MAD1L1: variants seen among roughly 807,000 people sequenced by gnomAD.
MAD1L1 encodes mitotic spindle assembly checkpoint protein MAD1.
Under a neutral mutation model 96.9 loss-of-function variants are expected in MAD1L1, and 95 were observed. That is an observed-to-expected ratio of 0.98 (90% CI 0.83 to 1.16). The LOEUF is 1.16. MAD1L1 is among the 50% of genes most tolerant of loss of function. The probability of loss-of-function intolerance (pLI) is 0.00; values close to 1 mark genes in which losing one functional copy is unlikely to be tolerated. For missense variants in MAD1L1, 1,007 were observed against 954.4 expected (o/e 1.06, Z -0.73); for synonymous variants, 473 against 396.6 (o/e 1.19, Z -2.29).
At position 1,957,667 on chromosome 7, in the gene MAD1L1, T is replaced by G. The variant is rs746130402; in HGVS notation, c.1558A>C (p.Arg520=). 2 of 1,614,114 alleles carry G rather than the reference T, an allele frequency of 1.2e-6. No individual in the cohort carries two copies. Among genetic ancestry groups the G allele is most frequent in the Non-Finnish European group, 1.7e-6 (2 of 1,180,038 alleles). The change falls in exon 16 of 19, where the codon AGG becomes CGG. Residue 520 remains arginine, a synonymous_variant. Transcript: ENST00000265854. ...GERSRLEEEK[R]MLEAQLERRA... is the part of the protein sequence containing the mutation. ...CGCTCCAGCTGTGCCTCCAGCATCC[T>G]CTTTTCCTCCTCCAGCCGACTCCGC... is the stretch of plus-strand genomic sequence containing the variant.
chr7:1,817,077 C>G (rs1331879574), intron 18 of MAD1L1: 1 of 152,306 alleles, frequency 6.6e-6, no homozygotes, highest in Non-Finnish European at 1.5e-5. Flanking sequence ...CAGAGAAGAG[C>G]CACACACGGC....
At chr7:1,883,762 G>A (rs1204491063) in intron 18 of MAD1L1, among the ~76,000 whole-genome samples, 3 of 152,190 alleles carry the variant, frequency 2.0e-5, no homozygotes, top group Non-Finnish European at 4.4e-5. Context: ...GCCCCAGGCC[G>A]TATTAAAAGG....
At chr7:1,969,016 G>C (rs921928626) in intron 15 of MAD1L1, among the ~76,000 whole-genome samples, 2 of 152,224 alleles carry the variant, frequency 1.3e-5, no homozygotes, top group African/African-American at 4.8e-5. Context: ...AAGAGGGTAT[G>C]AGAACTCTCC....
At chr7:1,849,615 A>C (rs531862983) in intron 18 of MAD1L1, 2 of 152,326 alleles carry the variant, frequency 1.3e-5, no homozygotes, top group Admixed American at 1.3e-4. Flanking sequence ...GGCGTGGCCC[A>C]AGAACGGGAA....
At chr7:2,220,390 T>C (rs1373697855) in intron 5 of MAD1L1, among the ~76,000 whole-genome samples, 3 of 151,888 alleles carry the variant, frequency 2.0e-5, no homozygotes, top group Non-Finnish European at 4.4e-5. Context: ...ACCCTAACCC[T>C]CTGGAAAAGC....
At chr7:2,150,251 C>T (rs1180387979) in intron 10 of MAD1L1, among the ~76,000 whole-genome samples, 2 of 152,184 alleles carry the variant, frequency 1.3e-5, no homozygotes, top group African/African-American at 2.4e-5. Flanking sequence ...GCACACCCTC[C>T]CAGCAGCCTG....
At chr7:1,872,154 G>A (rs1785145438) in intron 18 of MAD1L1, among the ~76,000 whole-genome samples, 1 of 152,202 alleles carries the variant, frequency 6.6e-6, no homozygotes, top group South Asian at 2.1e-4. Flanking sequence ...TCCCGCGACA[G>A]AGAGGCTGAC....
At chr7:2,169,038 G>A (rs1166107398) in intron 10 of MAD1L1, among the ~76,000 whole-genome samples, 1 of 152,204 alleles carries the variant, frequency 6.6e-6, no homozygotes, top group Non-Finnish European at 1.5e-5. Context: ...TGTGTACCCG[G>A]TGCTTGTCCT....
At chr7:2,079,558 T>C in intron 11 of MAD1L1, 2 of 455,014 alleles carry the variant, frequency 4.4e-6, no homozygotes, top group Admixed American at 4.8e-5. Context: ...CCAAATTCAA[T>C]TTGCATTCCC....
At chr7:2,213,144 CA>C in intron 10 of MAD1L1, 67 bp downstream of exon 10, 1 of 1,535,930 alleles carries the variant, frequency 6.5e-7, no homozygotes. Context: ...GAGCCGGAAG[CA>C]GGCTCTGCTC....
chr7:2,200,759 G>A (rs887614180), intron 10 of MAD1L1, among the ~76,000 whole-genome samples: 5 of 152,278 alleles, frequency 3.3e-5, no homozygotes, highest in South Asian at 2.1e-4. Context: ...TCATGCACAC[G>A]GCCCCCCTGC....
chr7:1,912,534 G>C (rs1474253978), intron 17 of MAD1L1, among the ~76,000 whole-genome samples: 2 of 152,188 alleles, frequency 1.3e-5, no homozygotes, highest in Non-Finnish European at 2.9e-5. Context: ...TCCTGGCACA[G>C]GCAGGGCTGC....
chr7:2,012,581 G>A (rs1782351892), intron 13 of MAD1L1, among the ~76,000 whole-genome samples: 1 of 152,208 alleles, frequency 6.6e-6, no homozygotes. Context: ...AGAAAGGAAA[G>A]CCAGGAGCGG....
chr7:2,027,316 TACAGAAAACA>T (rs1445302761), intron 12 of MAD1L1, among the ~76,000 whole-genome samples: 7 of 152,220 alleles, frequency 4.6e-5, no homozygotes, highest in Middle Eastern at 3.4e-3. Flanking sequence ...ATAAAACGAT[TACAGAAAACA>T]ACAGAAGACA....
At chr7:2,167,457 G>T (rs1194888818) in intron 10 of MAD1L1, among the ~76,000 whole-genome samples, 1 of 152,156 alleles carries the variant, frequency 6.6e-6, no homozygotes, top group Non-Finnish European at 1.5e-5. Context: ...GCTGAGGCAG[G>T]AGAATGGCGT....
intron 15 of MAD1L1, among the ~76,000 whole-genome samples, chr7:1,972,875 T>C (rs970086868): frequency 1.3e-5 from 2 of 152,194 alleles, no homozygotes; most frequent in Admixed American, 1.3e-4. Context: ...TATTGCCCAG[T>C]GTACTTATTT....
intron 10 of MAD1L1, among the ~76,000 whole-genome samples, chr7:2,212,103 G>C (rs182899257): frequency 6.6e-6 from 1 of 152,232 alleles, no homozygotes; most frequent in African/African-American, 2.4e-5. Flanking sequence ...GTCACCTGCA[G>C]GGGCACCGCG....
Position 2,142,824 on chromosome 7 carries a change from G to A in MAD1L1, c.1073+6328C>T, listed in dbSNP as rs1320359105. The stretch of plus-strand genomic sequence containing the variant: ...GACTTGCTGGGAACACATGGCTGAG[G>A]CCATGGTCAGTTCAAGGGCAGGCCA... On this transcript the variant is annotated intron_variant, in intron 11 of 18. Transcript: ENST00000265854. The surrounding 1 kb of genome is among the most constrained non-coding windows in gnomAD (Gnocchi z 4.7). 1.3e-5 allele frequency among the ~76,000 whole-genome samples: 2 copies of A among 152,230 alleles called. No individual in the cohort carries two copies. Among genetic ancestry groups the A allele is most frequent in the African/African-American group, 2.4e-5 (1 of 41,464 alleles).
chr7:1,913,341 C>T (rs1358137117), intron 17 of MAD1L1, among the ~76,000 whole-genome samples: 3 of 149,914 alleles, frequency 2.0e-5, no homozygotes, highest in African/African-American at 7.4e-5. Flanking sequence ...AGGAGCACTC[C>T]ACCCGGAGGA....
Sources: gnomAD v4.1 joint callset for allele counts (sites outside exome capture counted in the v4.1 genomes callset) on GRCh38, gnomAD v4.1.1 for gene constraint, Gnocchi (gnomAD v3.1) non-coding constraint, MANE v1.5 for transcripts, NCBI Gene and HGNC (gene_info 2026-07-23, HGNC 2026-07-21) for gene names.